NPAS3: variants seen among roughly 807,000 people sequenced by gnomAD.
The protein encoded by NPAS3 is neuronal PAS domain protein 3, also known as neuronal PAS domain-containing protein 3.
Under a neutral mutation model 73.1 loss-of-function variants are expected in NPAS3, and 14 were observed. That is an observed-to-expected ratio of 0.19 (90% CI 0.13 to 0.30). NPAS3 has a LOEUF of 0.30. Ranked by LOEUF, NPAS3 falls within the 10% of genes least tolerant of loss-of-function variation. The pLI is 1.00. For missense variants in NPAS3, 1,096 were observed against 1,250.0 expected (o/e 0.88, Z 1.86); for synonymous variants, 620 against 541.5 (o/e 1.14, Z -2.01).
At chr14:33,127,423 C>A (rs149701643) in intron 2 of NPAS3, among the ~76,000 whole-genome samples, 51 of 152,082 alleles carry the variant, frequency 3.4e-4, no homozygotes, top group Non-Finnish European at 6.3e-4. Flanking sequence ...TGGTAAATTA[C>A]ACTTAATGAT....
chr14:33,488,736 C>T (rs2051737884), intron 4 of NPAS3, among the ~76,000 whole-genome samples: 1 of 152,150 alleles, frequency 6.6e-6, no homozygotes, highest in East Asian at 1.9e-4. Context: ...TGGAGAGCTT[C>T]CCTGCCGTCT....
At chr14:33,553,873 A>G (rs2055232770) in intron 4 of NPAS3, among the ~76,000 whole-genome samples, 1 of 152,206 alleles carries the variant, frequency 6.6e-6, no homozygotes, top group African/African-American at 2.4e-5. Context: ...GGCACCATCC[A>G]GGTTCTCCTT....
At chr14:33,530,171 C>T (rs1387998122) in intron 4 of NPAS3, among the ~76,000 whole-genome samples, 2 of 152,062 alleles carry the variant, frequency 1.3e-5, no homozygotes, top group African/African-American at 4.8e-5. Flanking sequence ...TTAGATATTA[C>T]AAAACGGTTT....
At chr14:33,554,864 GACCTGTGGTTAGTTCCAC>G (rs111997120) in intron 4 of NPAS3, among the ~76,000 whole-genome samples, 1,986 of 152,246 alleles carry the variant, frequency 0.013, 44 homozygotes, top group African/African-American at 0.045. Flanking sequence ...TTCAGTCATG[GACCTGTGGTTAGTTCCAC>G]ACCCTGCAAG....
At chr14:32,996,231 G>A (rs776744272) in intron 1 of NPAS3, among the ~76,000 whole-genome samples, 1 of 152,176 alleles carries the variant, frequency 6.6e-6, no homozygotes, top group African/African-American at 2.4e-5. Context: ...TAAGCAGAAA[G>A]CATTCAATAG....
At chr14:32,939,458 C>G in intron 1 of NPAS3, 92 bp downstream of exon 1, 1 of 354,738 alleles carries the variant, frequency 2.8e-6, no homozygotes, top group South Asian at 4.3e-5. Context: ...GCAGCCCGCC[C>G]GCCTCCTGGG....
chr14:33,526,009 G>A (rs1327599868), intron 4 of NPAS3, among the ~76,000 whole-genome samples: 1 of 152,134 alleles, frequency 6.6e-6, no homozygotes, highest in Non-Finnish European at 1.5e-5. Flanking sequence ...AAACACAGGT[G>A]AAATGAAAAC....
At chr14:33,390,673 A>T (rs964455353) in intron 4 of NPAS3, among the ~76,000 whole-genome samples, 3 of 152,112 alleles carry the variant, frequency 2.0e-5, no homozygotes, top group African/African-American at 7.2e-5. Flanking sequence ...CCTTCCTTTA[A>T]TCTTTGCCTG....
At chr14:33,028,332 G>A (rs2039876175) in intron 1 of NPAS3, among the ~76,000 whole-genome samples, 1 of 152,150 alleles carries the variant, frequency 6.6e-6, no homozygotes, top group East Asian at 1.9e-4. Flanking sequence ...TGTGTTTTGT[G>A]ACTAAACCCC....
intron 5 of NPAS3, among the ~76,000 whole-genome samples, chr14:33,624,703 T>C (rs1183316562): frequency 6.6e-6 from 1 of 152,112 alleles, no homozygotes; most frequent in Non-Finnish European, 1.5e-5. Flanking sequence ...TTTTGGTAAA[T>C]TATGTCAGCT....
In NPAS3 at chr14:33,169,363, T is replaced by C. The variant is rs988811663; in HGVS notation, c.141-45819T>C. Among the ~76,000 whole-genome samples the C allele has an allele frequency of 5.3e-5, 8 of 152,014 alleles. No individual in the cohort carries two copies. In the South Asian group the frequency reaches 1.5e-3, roughly 28 times the overall value. On this transcript the variant is annotated intron_variant, in intron 2 of 11. Coordinates refer to ENST00000356141, the Ensembl canonical transcript of NPAS3. Reference sequence around the variant, plus strand: ...CAGATGGATCACTTGAGGTCAGGAGTTGGAGACCAGCCTGGCCAGCATGGC... The same window carrying C: ...CAGATGGATCACTTGAGGTCAGGAGCTGGAGACCAGCCTGGCCAGCATGGC...
Position 32,947,358 on chromosome 14 carries a change from A to G in NPAS3, c.50+7992A>G, listed in dbSNP as rs574964668. Among the ~76,000 whole-genome samples the G allele has an allele frequency of 2.0e-5, 3 of 152,262 alleles. No homozygotes were observed. In the East Asian group the frequency reaches 5.8e-4, roughly 29 times the overall value. ...AAGTGGAATGATTGAAATTGTTTGC[A>G]GAACTTCTCTCTCTGGTCCTAGAAA... is the stretch of plus-strand genomic sequence containing the variant. On this transcript the variant is annotated intron_variant, in intron 1 of 11. Coordinates refer to ENST00000356141, the Ensembl canonical transcript of NPAS3.
At chr14:33,193,536 G>A (rs976036752) in intron 2 of NPAS3, among the ~76,000 whole-genome samples, 6 of 152,206 alleles carry the variant, frequency 3.9e-5, no homozygotes, top group African/African-American at 1.4e-4. Flanking sequence ...GGATGACATA[G>A]TGAGTGGAAG....
chr14:33,690,496 AT>A (rs2060206649), intron 6 of NPAS3, among the ~76,000 whole-genome samples: 1 of 152,148 alleles, frequency 6.6e-6, no homozygotes, highest in Non-Finnish European at 1.5e-5. Context: ...GAAAGGCTCT[AT>A]ATATCCCATT....
At chr14:33,305,500 T>C (rs1178250245) in intron 3 of NPAS3, among the ~76,000 whole-genome samples, 2 of 152,178 alleles carry the variant, frequency 1.3e-5, no homozygotes, top group African/African-American at 4.8e-5. Flanking sequence ...AATGGGGCTC[T>C]TAATAACTTG....
rs183908238 is a variant in NPAS3, at chr14:33,230,827, G to A, written c.385+15401G>A. 9.2e-3 allele frequency among the ~76,000 whole-genome samples: 1,404 copies of A among 152,202 alleles called. 7 individuals are homozygous for A. Among genetic ancestry groups the A allele is most frequent in the Middle Eastern group, 0.02 (6 of 294 alleles). ...TGCTCAATTAAATGGAGTAAATGTC[G>A]TATTAAACCAGGGGTATTTTTGCTC... On this transcript the variant is annotated intron_variant, in intron 3 of 11. Coordinates refer to ENST00000356141, the Ensembl canonical transcript of NPAS3.
chr14:33,031,751 C>G (rs192823912), intron 1 of NPAS3, among the ~76,000 whole-genome samples: 9 of 152,376 alleles, frequency 5.9e-5, no homozygotes, highest in Admixed American at 5.9e-4. Flanking sequence ...ATCCCCCTGC[C>G]TTGGCTTCCC....
intron 3 of NPAS3, among the ~76,000 whole-genome samples, chr14:33,224,475 G>T (rs2047548827): frequency 6.6e-6 from 1 of 151,962 alleles, no homozygotes; most frequent in African/African-American, 2.4e-5. Context: ...GATCCTTTCT[G>T]GGTCCATAGT....
At chr14:32,958,657 C>A (rs1251442629) in intron 1 of NPAS3, among the ~76,000 whole-genome samples, 1 of 152,152 alleles carries the variant, frequency 6.6e-6, no homozygotes, top group East Asian at 1.9e-4. Flanking sequence ...GTCTCTAAAC[C>A]CGTATATACA....
Sources: gnomAD v4.1 joint callset for allele counts (sites outside exome capture counted in the v4.1 genomes callset) on GRCh38, gnomAD v4.1.1 for gene constraint, MANE v1.5 for transcripts, NCBI Gene and HGNC (gene_info 2026-07-23, HGNC 2026-07-21) for gene names.